Variants in PTPRO observed in about 807,000 individuals in gnomAD.
PTPRO encodes receptor-type tyrosine-protein phosphatase O.
Under a neutral mutation model 145.2 loss-of-function variants are expected in PTPRO, and 62 were observed. That is an observed-to-expected ratio of 0.43 (90% CI 0.35 to 0.53). The LOEUF (loss-of-function observed/expected upper bound fraction) is 0.53, where lower values mean the gene tolerates loss of function less well. Ranked by LOEUF, PTPRO falls within the 20% of genes least tolerant of loss-of-function variation. PTPRO has a pLI of 0.01. For missense variants in PTPRO, 1,345 were observed against 1,482.7 expected (o/e 0.91, Z 1.53); for synonymous variants, 565 against 514.7 (o/e 1.10, Z -1.32).
At chr12:15,559,105 C>T (rs906487256) in intron 16 of PTPRO, among the ~76,000 whole-genome samples, 12 of 152,076 alleles carry the variant, frequency 7.9e-5, no homozygotes, top group Middle Eastern at 3.2e-3. Flanking sequence ...AGGAACCAAT[C>T]CAATTATATG....
chr12:15,405,461 GA>G (rs1712326102), intron 1 of PTPRO, among the ~76,000 whole-genome samples: 1 of 152,264 alleles, frequency 6.6e-6, no homozygotes, highest in African/African-American at 2.4e-5. Context: ...TAATTGATCA[GA>G]AACTCTAATT....
intron 12 of PTPRO, among the ~76,000 whole-genome samples, chr12:15,542,473 C>T (rs1850110419): frequency 6.6e-6 from 1 of 152,198 alleles, no homozygotes; most frequent in Non-Finnish European, 1.5e-5. Flanking sequence ...TAGGCTGTGG[C>T]ACTGAGCTGG....
chr12:15,359,618 C>T (rs925723888), intron 1 of PTPRO, among the ~76,000 whole-genome samples: 2 of 151,554 alleles, frequency 1.3e-5, no homozygotes, highest in African/African-American at 2.4e-5. Flanking sequence ...GGAGTTTCAC[C>T]ATATTGGCCA....
At chr12:15,421,291 T>G (rs539642679) in intron 1 of PTPRO, among the ~76,000 whole-genome samples, 1 of 152,238 alleles carries the variant, frequency 6.6e-6, no homozygotes. Context: ...TTGAAACCAG[T>G]GGTTGTGATA....
chr12:15,380,041 T>A (rs1938811338), intron 1 of PTPRO, among the ~76,000 whole-genome samples: 1 of 152,178 alleles, frequency 6.6e-6, no homozygotes, highest in Non-Finnish European at 1.5e-5. Flanking sequence ...ATGAGAATAT[T>A]ATCATCTAGA....
At chr12:15,566,177 A>G (rs914901770) in intron 18 of PTPRO, among the ~76,000 whole-genome samples, 7 of 152,214 alleles carry the variant, frequency 4.6e-5, no homozygotes, top group Admixed American at 4.6e-4. Context: ...ATTAACCCCC[A>G]GTTGATTTCA....
chr12:15,586,831 G>C (rs1228190993), intron 23 of PTPRO, 66 bp from the exon 24 acceptor site: 12 of 1,585,828 alleles, frequency 7.6e-6, no homozygotes, highest in Non-Finnish European at 9.5e-6. Flanking sequence ...TTAACTAGCA[G>C]AGTCCTGGGT....
intron 1 of PTPRO, among the ~76,000 whole-genome samples, chr12:15,462,459 C>G (rs1056847863): frequency 2.0e-5 from 3 of 152,116 alleles, no homozygotes; most frequent in African/African-American, 7.2e-5. Context: ...TTCACCGTCA[C>G]TGGTAAAATA....
At chr12:15,580,675 A>G in intron 21 of PTPRO, 22 bp from the exon 22 acceptor site, 1 of 1,614,000 alleles carries the variant, frequency 6.2e-7, no homozygotes, top group East Asian at 2.2e-5. Flanking sequence ...GTTAGGTGAT[A>G]ATTTTGTCAC....
chr12:15,535,982 T>A (rs567687968), intron 12 of PTPRO, among the ~76,000 whole-genome samples: 1 of 152,326 alleles, frequency 6.6e-6, no homozygotes, highest in Non-Finnish European at 1.5e-5. Context: ...TGGTTATAGA[T>A]ACATAGAAAT....
At position 15,507,410 on chromosome 12, in the gene PTPRO, AAAATAAATAAAT is replaced by A. The variant is rs201609031; in HGVS notation, c.1268-1130_1268-1119del. On this transcript the variant is annotated intron_variant, in intron 6 of 26. Coordinates refer to ENST00000281171, the MANE Select transcript of PTPRO (RefSeq NM_030667.3). ...GGGTGACAGAGTGAGACTCCATCTC[AAAATAAATAAAT>A]AAATAAATAAATAAATAAATAAATA... 2.7e-4 allele frequency among the ~76,000 whole-genome samples: 33 copies of A among 123,002 alleles called. 1 individual carries two copies. The highest frequency in any genetic ancestry group is 8.5e-4 in the African/African-American group (30 of 35,456). 80.7% of individuals were successfully genotyped at this position (123,002 alleles called of 152,430 possible). A position where few individuals can be genotyped will look rare whatever the true frequency, so the allele number is the denominator to read the frequency against.
chr12:15,572,246 T>C (rs1944069132), intron 19 of PTPRO, among the ~76,000 whole-genome samples: 1 of 152,236 alleles, frequency 6.6e-6, no homozygotes, highest in South Asian at 2.1e-4. Context: ...GTTGGAATAA[T>C]TCTTATGGAT....
chr12:15,475,931 T>G (rs1941643127), intron 1 of PTPRO, among the ~76,000 whole-genome samples: 1 of 152,120 alleles, frequency 6.6e-6, no homozygotes, highest in South Asian at 2.1e-4. Context: ...GTCTCCTCTA[T>G]CCAATGAGGA....
At chr12:15,550,609 A>G (rs886820984) in intron 14 of PTPRO, among the ~76,000 whole-genome samples, 1 of 152,190 alleles carries the variant, frequency 6.6e-6, no homozygotes, top group Non-Finnish European at 1.5e-5. Context: ...AAATAGCAGT[A>G]CTCAAGCGAA....
intron 1 of PTPRO, among the ~76,000 whole-genome samples, chr12:15,459,270 C>T (rs927421343): frequency 6.6e-6 from 1 of 152,116 alleles, no homozygotes; most frequent in African/African-American, 2.4e-5. Context: ...GTGATGGGGG[C>T]CGGCATGCTA....
At chr12:15,555,736 T>G (rs191935239) in intron 15 of PTPRO, among the ~76,000 whole-genome samples, 112 of 152,330 alleles carry the variant, frequency 7.4e-4, no homozygotes, top group African/African-American at 2.6e-3. Flanking sequence ...TCATTTTTCA[T>G]GCTATGATCC....
At chr12:15,493,823 ATT>A (rs947110039) in intron 2 of PTPRO, among the ~76,000 whole-genome samples, 16 of 152,162 alleles carry the variant, frequency 1.1e-4, no homozygotes, top group African/African-American at 3.9e-4. Context: ...TGCCGCAAAC[ATT>A]TATTGCAGCA....
chr12:15,508,645 A>G lies in PTPRO; in HGVS notation c.1342A>G (p.Thr448Ala), dbSNP rs1439183075. The G allele has an allele frequency of 3.1e-6, 5 of 1,613,992 alleles. No homozygotes were observed. Among genetic ancestry groups the G allele is most frequent in the Non-Finnish European group, 4.2e-6 (5 of 1,180,004 alleles). ...GAGTGTCCACGTTTTAAGCTCAACC[A>G]CTGCCTTGATGTCCTGGACATCTTC... is the stretch of plus-strand genomic sequence containing the variant. The part of the protein sequence containing the change: ...HVSVHVLSST[T>A]ALMSWTSSQE... The change falls in exon 7 of 27, where the codon ACT becomes GCT. Residue 448 changes from threonine to alanine, a missense_variant. Physicochemically the swap from Thr to Ala is moderately conservative, Grantham distance 58. Around this residue, in one of 3 missense-constraint regions of PTPRO, gnomAD observed 1,130 missense variants for 1,214.7 expected, o/e 0.93. Coordinates refer to ENST00000281171, the MANE Select transcript of PTPRO (RefSeq NM_030667.3).
At chr12:15,548,502 TTGTGTGTATATA>T (rs1272844811) in intron 13 of PTPRO, among the ~76,000 whole-genome samples, 2 of 150,938 alleles carry the variant, frequency 1.3e-5, no homozygotes, top group Non-Finnish European at 2.9e-5. Context: ...CATGCATATA[TTGTGTGTATATA>T]TGTGTGTATA....
Sources: allele counts gnomAD v4.1 joint callset (sites outside exome capture counted in the v4.1 genomes callset), GRCh38; gene constraint gnomAD v4.1.1; regional missense constraint gnomAD v4.1.1; transcripts MANE v1.5; gene names NCBI Gene and HGNC (gene_info 2026-07-23, HGNC 2026-07-21).